Variants in PIEZO2 observed in about 807,000 individuals in gnomAD.
The protein encoded by PIEZO2 is piezo type mechanosensitive ion channel component 2.
PIEZO2 carries 172 observed loss-of-function variants against 337.3 expected under a neutral mutation model. The observed-to-expected ratio is 0.51, with a 90% CI of 0.45 to 0.58. The LOEUF (loss-of-function observed/expected upper bound fraction) is 0.58, where lower values mean the gene tolerates loss of function less well. Among genes scored for constraint, PIEZO2 ranks in the 20% least tolerant of loss-of-function variants. PIEZO2 has a pLI of 0.00. For synonymous variants in PIEZO2, 1,251 were observed against 1,228.5 expected, an observed-to-expected ratio of 1.02 and a Z score of -0.38; for missense variants, 3,028 against 3,391.3, an observed-to-expected ratio of 0.89 and a Z score of 2.66.
rs1329570409 is a variant in PIEZO2 at position 11,071,719 on chromosome 18, T to G, written c.65-5497A>C. Among the ~76,000 whole-genome samples the G allele has an allele frequency of 4.6e-5, 7 of 152,152 alleles. No homozygotes were observed. In the South Asian group the frequency reaches 6.2e-4, roughly 14 times the overall value. On this transcript the variant is annotated intron_variant, in intron 1 of 55. Coordinates refer to ENST00000674853, the MANE Select transcript of PIEZO2 (RefSeq NM_001378183.1). Reference sequence around the variant, plus strand: ...CTGTCAATTCCCATAGGAGAAGCACTCAGGCAAAGTGGAAGCAAGCCTGAC... The same window carrying G: ...CTGTCAATTCCCATAGGAGAAGCACGCAGGCAAAGTGGAAGCAAGCCTGAC...
intron 5 of PIEZO2, among the ~76,000 whole-genome samples, chr18:10,866,850 A>T (rs549599854): frequency 1.3e-5 from 2 of 152,232 alleles, no homozygotes; most frequent in South Asian, 4.1e-4. Flanking sequence ...AACTAATGGC[A>T]TCTAAAACTA....
Position 10,862,817 on chromosome 18 carries a change from T to C in PIEZO2, c.493-5606A>G, listed in dbSNP as rs2041911238. 6.6e-6 allele frequency among the ~76,000 whole-genome samples: 1 copy of C among 152,234 alleles called. No individual in the cohort carries two copies. The highest frequency in any genetic ancestry group is 2.1e-4 in the South Asian group (1 of 4,836). On this transcript the variant is annotated intron_variant, in intron 5 of 55. Coordinates refer to ENST00000674853, the MANE Select transcript of PIEZO2 (RefSeq NM_001378183.1). The surrounding 1 kb of genome is among the most constrained non-coding windows in gnomAD (Gnocchi z 4.4). ...GCCGACATTGGCAACCACTGATCAA[T>C]GAATTCTCCATAGGGGTTCAGCTGA...
In PIEZO2 at chr18:11,112,720, T is replaced by C. The variant is rs1226960272; in HGVS notation, c.64+35805A>G. 6.6e-6 allele frequency among the ~76,000 whole-genome samples: 1 copy of C among 152,210 alleles called. No homozygotes were observed. Among genetic ancestry groups the C allele is most frequent in the East Asian group, 1.9e-4 (1 of 5,194 alleles). On this transcript the variant is annotated intron_variant, in intron 1 of 55. Coordinates refer to ENST00000674853, the MANE Select transcript of PIEZO2 (RefSeq NM_001378183.1). The surrounding 1 kb of genome is among the most constrained non-coding windows in gnomAD (Gnocchi z 4.3). ...AAATAATGCAAGTGACACCTGGTGT[T>C]CTACTGTCTATTGAGAAATGCATAA...
chr18:11,067,560 A>C (rs1386903491), intron 1 of PIEZO2, among the ~76,000 whole-genome samples: 1 of 152,238 alleles, frequency 6.6e-6, no homozygotes, highest in Non-Finnish European at 1.5e-5. Context: ...TATTCTATGC[A>C]AATCAAAACC....
At chr18:10,751,078 T>C (rs939080211) in intron 28 of PIEZO2, among the ~76,000 whole-genome samples, 5 of 152,218 alleles carry the variant, frequency 3.3e-5, no homozygotes, top group African/African-American at 1.2e-4. Context: ...AAGCAAGATA[T>C]TAGGCATCCT....
rs1276966067 is a variant in PIEZO2 at position 10,714,719 on chromosome 18, A to G, written c.5423+45T>C. On this transcript the variant is annotated intron_variant, in intron 39 of 55. Transcript: ENST00000674853. ...TCTTATATTTGATGACATCCACCTCATTTACCTTTGTCAAAAGTAAACCCA... is the reference window on the plus strand; with the variant it reads ...TCTTATATTTGATGACATCCACCTCGTTTACCTTTGTCAAAAGTAAACCCA... 8.5e-6 allele frequency: 13 copies of G among 1,524,786 alleles called. No individual in the cohort carries two copies. In the East Asian group the frequency reaches 2.2e-4, roughly 26 times the overall value. 94.5% of individuals were successfully genotyped at this position (1,524,786 alleles called of 1,614,324 possible). A position where few individuals can be genotyped will look rare whatever the true frequency, so the allele number is the denominator to read the frequency against.
intron 8 of PIEZO2, among the ~76,000 whole-genome samples, chr18:10,806,865 C>T (rs1373144657): frequency 1.3e-5 from 2 of 152,166 alleles, no homozygotes; most frequent in East Asian, 3.8e-4. Flanking sequence ...AAAAATGAGT[C>T]TTCTGTTCTT....
chr18:11,148,506 G>A lies in PIEZO2; in HGVS notation c.64+19C>T, dbSNP rs113483430. The A allele has an allele frequency of 3.7e-4, 566 of 1,537,068 alleles. 1 individual carries two copies. In the African/African-American group the frequency reaches 5.2e-3, roughly 14 times the overall value. On this transcript the variant is annotated intron_variant, in intron 1 of 55. Transcript: ENST00000674853. This position sits in a 1 kb window ranked among gnomAD's most constrained non-coding sequence, Gnocchi z 5.2. ...CCCTCGTCCTCCTCAAGTGCCCTCG[G>A]AAAGCGGACCAGACTCACCTACTGC...
rs936442755 is a variant in PIEZO2, at chr18:10,682,343, C to G, written c.7498-51G>C. The G allele has an allele frequency of 1.4e-6, 2 of 1,468,936 alleles. No homozygotes were observed. The allele number at this position is 1,468,936 out of a possible 1,614,324, so 91.0% of individuals were successfully genotyped here. A position where few individuals can be genotyped will look rare whatever the true frequency, so the allele number is the denominator to read the frequency against. On this transcript the variant is annotated intron_variant, in intron 49 of 55. Transcript: ENST00000674853. The surrounding 1 kb of genome is among the most constrained non-coding windows in gnomAD (Gnocchi z 5.6). ...TCAGGCTCAGGCTCAGGTGCTTTCC[C>G]GCAGGCAGCGGGATTGGGGGAGAGC...
rs781223958 is a variant in PIEZO2 at position 10,791,184 on chromosome 18, CAT to C, written c.1882+15_1882+16del. On this transcript the variant is annotated intron_variant, in intron 14 of 55. Coordinates refer to ENST00000674853, the MANE Select transcript of PIEZO2 (RefSeq NM_001378183.1). ...CTGAGCACCAAACTCTCCAGCCACA[CAT>C]ATACACTAATTTACCTTTTTCTTCA... 5 of 1,530,204 alleles carry C rather than the reference CAT, an allele frequency of 3.3e-6. No homozygotes were observed. The East Asian group carries it at 1.2e-4, about 38-fold the overall frequency. 94.8% of individuals were successfully genotyped at this position (1,530,204 alleles called of 1,614,324 possible). A position where few individuals can be genotyped will look rare whatever the true frequency, so the allele number is the denominator to read the frequency against.
chr18:10,940,899 G>C lies in PIEZO2; in HGVS notation c.287-29671C>G, dbSNP rs2032690659. Among the ~76,000 whole-genome samples the C allele has an allele frequency of 6.6e-6, 1 of 151,914 alleles. No individual in the cohort carries two copies. The highest frequency in any genetic ancestry group is 2.4e-5 in the African/African-American group (1 of 41,366). ...AATTCAGTCTGAGATATATTTTCAT[G>C]GTTACCCATTACTATAGCAAGGTTA... is the stretch of plus-strand genomic sequence containing the variant. On this transcript the variant is annotated intron_variant, in intron 3 of 55. Coordinates refer to ENST00000674853, the MANE Select transcript of PIEZO2 (RefSeq NM_001378183.1). The surrounding 1 kb of genome is among the most constrained non-coding windows in gnomAD (Gnocchi z 5.3).
chr18:10,787,862 T>C (rs974349493), intron 15 of PIEZO2, among the ~76,000 whole-genome samples: 1 of 152,244 alleles, frequency 6.6e-6, no homozygotes, highest in African/African-American at 2.4e-5. Flanking sequence ...AAAGTGAGTC[T>C]GTGGAGAAGT....
Position 11,143,629 on chromosome 18 carries a change from ACACACACACACTCTCTCTCTCTCTCTCT to A in PIEZO2, c.64+4868_64+4895del, listed in dbSNP as rs2040724408. 1.1e-5 allele frequency among the ~76,000 whole-genome samples: 1 copy of A among 87,074 alleles called. No homozygotes were observed. Among genetic ancestry groups the A allele is most frequent in the African/African-American group, 6.6e-5 (1 of 15,224 alleles). 57.1% of individuals were successfully genotyped at this position (87,074 alleles called of 152,430 possible). A position where few individuals can be genotyped will look rare whatever the true frequency, so the allele number is the denominator to read the frequency against. On this transcript the variant is annotated intron_variant, in intron 1 of 55. Coordinates refer to ENST00000674853, the MANE Select transcript of PIEZO2 (RefSeq NM_001378183.1). This position sits in a 1 kb window ranked among gnomAD's most constrained non-coding sequence, Gnocchi z 4.9. ...CACACACACACACACACACACACAC[ACACACACACACTCTCTCTCTCTCTCTCT>A]CTCTCTCTCTCTCTCACTCTCTCTC...
intron 2 of PIEZO2, among the ~76,000 whole-genome samples, chr18:11,044,102 A>T (rs1263282613): frequency 2.6e-5 from 4 of 151,624 alleles, no homozygotes; most frequent in Non-Finnish European, 5.9e-5. Context: ...TAGAATCCAA[A>T]ATTGAGATAA....
intron 4 of PIEZO2, among the ~76,000 whole-genome samples, chr18:10,876,153 GT>G (rs1404844755): frequency 6.6e-6 from 1 of 152,206 alleles, no homozygotes; most frequent in Non-Finnish European, 1.5e-5. Flanking sequence ...GCTTACTAAA[GT>G]ACGTTCATCA....
chr18:10,893,995 A>G (rs763190730), intron 4 of PIEZO2, among the ~76,000 whole-genome samples: 1 of 152,148 alleles, frequency 6.6e-6, no homozygotes, highest in Non-Finnish European at 1.5e-5. Flanking sequence ...GCATCAGATG[A>G]TGGTCAGGTG....
Position 11,116,489 on chromosome 18 carries a change from G to A in PIEZO2, c.64+32036C>T, listed in dbSNP as rs1186685458. 1.3e-5 allele frequency among the ~76,000 whole-genome samples: 2 copies of A among 151,894 alleles called. No homozygotes were observed. Among genetic ancestry groups the A allele is most frequent in the Admixed American group, 6.6e-5 (1 of 15,242 alleles). Reference sequence around the variant, plus strand: ...AGCACTTTGGGAGGCCGAGCTGGGCGGATCACGATGTCAGGAGACAGAGAC... The same window carrying A: ...AGCACTTTGGGAGGCCGAGCTGGGCAGATCACGATGTCAGGAGACAGAGAC... On this transcript the variant is annotated intron_variant, in intron 1 of 55. Coordinates refer to ENST00000674853, the MANE Select transcript of PIEZO2 (RefSeq NM_001378183.1). The surrounding 1 kb of genome is among the most constrained non-coding windows in gnomAD (Gnocchi z 5.0).
rs910572271 is a variant in PIEZO2, at chr18:11,101,561, C to T, written c.65-35339G>A. Among the ~76,000 whole-genome samples, 5 of 152,146 alleles carry T rather than the reference C, an allele frequency of 3.3e-5. 1 individual carries two copies. The highest frequency in any genetic ancestry group is 2.0e-4 in the Admixed American group (3 of 15,276). On this transcript the variant is annotated intron_variant, in intron 1 of 55. Coordinates refer to ENST00000674853, the MANE Select transcript of PIEZO2 (RefSeq NM_001378183.1). The surrounding 1 kb of genome is among the most constrained non-coding windows in gnomAD (Gnocchi z 4.4). ...TAACATATCAATAATTCTTAAAAGA[C>T]GTTCCAGTGTAGAGGTGTTGAAATT...
At chr18:11,076,758 T>G (rs1055585861) in intron 1 of PIEZO2, among the ~76,000 whole-genome samples, 3 of 152,218 alleles carry the variant, frequency 2.0e-5, no homozygotes, top group Non-Finnish European at 4.4e-5. Context: ...TATTAAACAG[T>G]ATGTCATATC....
Sources: allele counts gnomAD v4.1 joint callset (sites outside exome capture counted in the v4.1 genomes callset), GRCh38; gene constraint gnomAD v4.1.1; non-coding constraint Gnocchi (gnomAD v3.1); transcripts MANE v1.5; gene names NCBI Gene and HGNC (gene_info 2026-07-23, HGNC 2026-07-21).